MTPAP: variants seen among roughly 807,000 people sequenced by gnomAD.
MTPAP encodes the protein poly(A) RNA polymerase, mitochondrial.
A neutral mutation model predicts 48.7 loss-of-function variants in MTPAP; 23 were observed. That is an observed-to-expected ratio of 0.47 (90% CI 0.34 to 0.67). The LOEUF is 0.67. Among genes scored for constraint, MTPAP ranks in the 30% least tolerant of loss-of-function variants. The pLI is 0.01. For synonymous variants in MTPAP, 257 were observed against 254.1 expected (o/e 1.01, Z -0.11); for missense variants, 614 against 694.3 (o/e 0.88, Z 1.30).
At chr10:30,331,726 C>T (rs1834668175) in intron 4 of MTPAP, among the ~76,000 whole-genome samples, 1 of 152,196 alleles carries the variant, frequency 6.6e-6, no homozygotes, top group Admixed American at 6.5e-5. Context: ...GCCATCATGC[C>T]CGGCTAATTT....
intron 1 of MTPAP, among the ~76,000 whole-genome samples, chr10:30,345,437 G>A (rs1388159646): frequency 6.6e-6 from 1 of 152,136 alleles, no homozygotes; most frequent in Non-Finnish European, 1.5e-5. Context: ...CAGGTGGACT[G>A]CTGGCAAAGA....
chr10:30,310,842 T>G lies in MTPAP; in HGVS notation c.*2767A>C, dbSNP rs908628504. On this transcript the variant is annotated 3_prime_UTR_variant, in exon 9 of 9. Transcript: ENST00000263063. ...TGAACCCAGGAGGCAGAGGTTGCAG[T>G]GAGCCGAGATCGCACCACTGCAGTC... 6.0e-5 allele frequency: 9 copies of G among 150,762 alleles called. No homozygotes were observed. Among genetic ancestry groups the G allele is most frequent in the Admixed American group, 2.0e-4 (3 of 15,118 alleles). 9.3% of individuals were successfully genotyped at this position (150,762 alleles called of 1,614,324 possible). A position where few individuals can be genotyped will look rare whatever the true frequency, so the allele number is the denominator to read the frequency against.
In MTPAP at chr10:30,322,524, T is replaced by G. The variant is rs1186639627; in HGVS notation, c.1086A>C (p.Arg362=). The G allele has an allele frequency of 1.2e-6, 2 of 1,614,036 alleles. No individual in the cohort carries two copies. Among genetic ancestry groups the G allele is most frequent in the Non-Finnish European group, 1.7e-6 (2 of 1,179,928 alleles). ...ALVFSVRCWA[R]AHSLTSSIPG... is the part of the protein sequence containing the mutation. ...GAATACTACTTGTTAGTGAATGTGC[T>G]CGAGCCCAGCACCGTACACTGAACA... Residue 362 remains arginine, a synonymous_variant, in exon 6 of 9, where the codon CGA becomes CGC. Coordinates refer to ENST00000263063, the MANE Select transcript of MTPAP (RefSeq NM_018109.4).
intron 6 of MTPAP, among the ~76,000 whole-genome samples, chr10:30,318,292 T>A (rs759368570): frequency 2.6e-5 from 4 of 152,240 alleles, no homozygotes; most frequent in African/African-American, 4.8e-5. Context: ...TCAAAAATTA[T>A]TCTAGGTTTT....
At chr10:30,319,782 A>G (rs1236241446) in intron 6 of MTPAP, among the ~76,000 whole-genome samples, 1 of 152,258 alleles carries the variant, frequency 6.6e-6, no homozygotes, top group Admixed American at 6.5e-5. Flanking sequence ...TCGCACCTAC[A>G]ATGTGCTATA....
At chr10:30,345,757 A>C (rs1256843960) in intron 1 of MTPAP, among the ~76,000 whole-genome samples, 1 of 152,210 alleles carries the variant, frequency 6.6e-6, no homozygotes, top group Non-Finnish European at 1.5e-5. Context: ...TTAAGAAATG[A>C]CTGAATAGGC....
chr10:30,327,175 T>C (rs1402866735), intron 4 of MTPAP, among the ~76,000 whole-genome samples: 2 of 151,940 alleles, frequency 1.3e-5, no homozygotes, highest in Non-Finnish European at 2.9e-5. Flanking sequence ...TCAAAAAAAA[T>C]AAACCAGATC....
chr10:30,340,682 A>G (rs945815822), intron 2 of MTPAP, among the ~76,000 whole-genome samples: 11 of 152,108 alleles, frequency 7.2e-5, no homozygotes, highest in African/African-American at 2.7e-4. Context: ...ACTTTGGGAC[A>G]TGGAGGTGGG....
rs747331939 is a variant in MTPAP, at chr10:30,326,416, G to A, written c.992+8C>T. 90 of 1,606,746 alleles carry A rather than the reference G, an allele frequency of 5.6e-5. No individual in the cohort carries two copies. The Admixed American group carries it at 1.2e-3, about 21-fold the overall frequency. On this transcript the variant is annotated splice_region_variant and intron_variant, in intron 5 of 8. Coordinates refer to ENST00000263063, the MANE Select transcript of MTPAP (RefSeq NM_018109.4). ...CATATTTAAAATAATAAATGTAAGC[G>A]GTCATACCTATTGTTCGTAGTCAAA... is the stretch of plus-strand genomic sequence containing the variant.
In MTPAP at chr10:30,316,103, C is replaced by G. The variant is rs780030956; in HGVS notation, c.1312+15G>C. ...TTCAATCCAGAAAGGATCAAGTAAA[C>G]AGAAAGACACTTACCTAATGTTTCT... On this transcript the variant is annotated intron_variant, in intron 7 of 8. Transcript: ENST00000263063. The G allele has an allele frequency of 1.4e-5, 22 of 1,611,276 alleles. No homozygotes were observed. The East Asian group carries it at 4.2e-4, about 31-fold the overall frequency.
intron 6 of MTPAP, among the ~76,000 whole-genome samples, chr10:30,319,707 G>A (rs963977631): frequency 1.3e-5 from 2 of 152,246 alleles, no homozygotes; most frequent in Non-Finnish European, 2.9e-5. Context: ...TTCTTTTACA[G>A]CAACTTCAAA....
chr10:30,323,981 GA>G (rs1834550846), intron 5 of MTPAP, among the ~76,000 whole-genome samples: 1 of 152,186 alleles, frequency 6.6e-6, no homozygotes, highest in Non-Finnish European at 1.5e-5. Context: ...AGGAGTTCAA[GA>G]CCAGCCTGGG....
chr10:30,329,669 A>G (rs1834641165), intron 4 of MTPAP, among the ~76,000 whole-genome samples: 1 of 152,106 alleles, frequency 6.6e-6, no homozygotes, highest in African/African-American at 2.4e-5. Context: ...TATTTCTCTA[A>G]TGTATAATCA....
Position 30,311,916 on chromosome 10 carries a change from G to C in MTPAP, c.*1693C>G, listed in dbSNP as rs897038367. Reference sequence around the variant, plus strand: ...TAATTCCAACACTTTGGAAGGCCAAGGTGGGCGATCACCTGAGGTCAGGAG... The same window carrying C: ...TAATTCCAACACTTTGGAAGGCCAACGTGGGCGATCACCTGAGGTCAGGAG... On this transcript the variant is annotated 3_prime_UTR_variant, in exon 9 of 9. Transcript: ENST00000263063. The C allele has an allele frequency of 1.3e-5, 2 of 152,530 alleles. No individual in the cohort carries two copies. Among genetic ancestry groups the C allele is most frequent in the Non-Finnish European group, 2.9e-5 (2 of 68,280 alleles). The allele number at this position is 152,530 out of a possible 1,614,324, so 9.4% of individuals were successfully genotyped here.
In MTPAP at chr10:30,310,218, T is replaced by G. The variant is rs932504295; in HGVS notation, c.*3391A>C. 1 of 152,220 alleles carries G rather than the reference T, an allele frequency of 6.6e-6. No homozygotes were observed. Among genetic ancestry groups the G allele is most frequent in the African/African-American group, 2.4e-5 (1 of 41,454 alleles). 9.4% of individuals were successfully genotyped at this position (152,220 alleles called of 1,614,324 possible). On this transcript the variant is annotated 3_prime_UTR_variant, in exon 9 of 9. Coordinates refer to ENST00000263063, the MANE Select transcript of MTPAP (RefSeq NM_018109.4). The stretch of plus-strand genomic sequence containing the variant: ...AATATTTTAAAAATCTGGGTTGTGA[T>G]ACACTAAAGTTATGAGAAAATATAT...
chr10:30,341,220 T>C (rs967890348), intron 2 of MTPAP, among the ~76,000 whole-genome samples: 1 of 152,164 alleles, frequency 6.6e-6, no homozygotes, highest in African/African-American at 2.4e-5. Context: ...GGACCCCGTC[T>C]CTTAAAAAAT....
chr10:30,342,559 A>AAC (rs57727943), intron 1 of MTPAP, among the ~76,000 whole-genome samples: 7 of 143,916 alleles, frequency 4.9e-5, no homozygotes, highest in Non-Finnish European at 1.1e-4. Context: ...AAAAAAAAAA[A>AAC]ACCAGGAAAC....
At chr10:30,344,262 T>C (rs1253368751) in intron 1 of MTPAP, among the ~76,000 whole-genome samples, 2 of 152,292 alleles carry the variant, frequency 1.3e-5, no homozygotes, top group East Asian at 3.9e-4. Flanking sequence ...TCACATGCTA[T>C]GAACTATCTA....
rs546670993 is a variant in MTPAP, at chr10:30,341,438, G to A, written c.330+30C>T. The A allele has an allele frequency of 2.3e-4, 367 of 1,602,796 alleles. 3 individuals are homozygous for A. In the South Asian group the frequency reaches 3.3e-3, roughly 14 times the overall value. ...ACCTCCACCCTTGAAAAGCATAAAC[G>A]TTAAGTTAGATTGTTTTTCAAATAC... On this transcript the variant is annotated intron_variant, in intron 2 of 8. Transcript: ENST00000263063.
Sources: allele counts gnomAD v4.1 joint callset (sites outside exome capture counted in the v4.1 genomes callset), GRCh38; gene constraint gnomAD v4.1.1; transcripts MANE v1.5; gene names NCBI Gene and HGNC (gene_info 2026-07-23, HGNC 2026-07-21).